Variants in LGR4 observed in about 807,000 individuals in gnomAD.
LGR4 encodes leucine-rich repeat-containing G protein-coupled receptor 4.
Under a neutral mutation model 84.8 loss-of-function variants are expected in LGR4, and 44 were observed. The ratio of observed to expected loss-of-function variants is 0.52; its 90% CI spans 0.41 to 0.67. The LOEUF is 0.67. Ranked by LOEUF, LGR4 falls within the 30% of genes least tolerant of loss-of-function variation. The probability of loss-of-function intolerance (pLI) is 0.00; values close to 1 mark genes in which losing one functional copy is unlikely to be tolerated. For synonymous variants in LGR4, 429 were observed against 434.3 expected (o/e 0.99, Z 0.15); for missense variants, 1,032 against 1,131.4 (o/e 0.91, Z 1.26).
Position 27,380,309 on chromosome 11 carries a change from C to G in LGR4, c.933G>C (p.Gln311His), listed in dbSNP as rs138266389. ...GGACAGTTCCTGTAAGATTGGGGAA[C>G]TGCTGCACCATGCTTGCACCACGAA... ...LVIRGASMVQQFPNLTGTVHL... is the reference protein window; with the variant it reads ...LVIRGASMVQHFPNLTGTVHL... The change falls in exon 10 of 18, where the codon CAG becomes CAC. Residue 311 changes from glutamine to histidine, a missense_variant. Gln to His is a conservative substitution (Grantham distance 24). Coordinates refer to ENST00000379214, the MANE Select transcript of LGR4 (RefSeq NM_018490.5). 8.9e-5 allele frequency: 144 copies of G among 1,611,742 alleles called. No homozygotes were observed. Among genetic ancestry groups the G allele is most frequent in the Non-Finnish European group, 1.2e-4 (141 of 1,178,874 alleles).
intron 1 of LGR4, among the ~76,000 whole-genome samples, chr11:27,421,037 A>G (rs1309696288): frequency 1.3e-5 from 2 of 152,218 alleles, no homozygotes; most frequent in East Asian, 1.9e-4. Context: ...ACTTTATTCT[A>G]AAAGTGTGGA....
intron 1 of LGR4, among the ~76,000 whole-genome samples, chr11:27,453,310 G>A (rs551694428): frequency 6.6e-6 from 1 of 152,178 alleles, no homozygotes; most frequent in South Asian, 2.1e-4. Context: ...CTCATGATGT[G>A]CCCACCTCGG....
chr11:27,436,523 T>C (rs866956767), intron 1 of LGR4, among the ~76,000 whole-genome samples: 3 of 152,164 alleles, frequency 2.0e-5, no homozygotes, highest in African/African-American at 7.2e-5. Context: ...TAAGGATGGA[T>C]GTTTCACTTG....
chr11:27,467,783 T>G lies in LGR4; in HGVS notation c.185+4335A>C, dbSNP rs553299944. ...GCAGAATATTTTTTCCTCGCTTATA[T>G]TTAAAGAGAACACATGGTTCACTAG... On this transcript the variant is annotated intron_variant, in intron 1 of 17. Transcript: ENST00000379214. Among the ~76,000 whole-genome samples, 30 of 152,256 alleles carry G rather than the reference T, an allele frequency of 2.0e-4. 1 individual carries two copies. The South Asian group carries it at 6.0e-3, about 30-fold the overall frequency.
At chr11:27,429,458 G>C (rs957025174) in intron 1 of LGR4, among the ~76,000 whole-genome samples, 5 of 151,704 alleles carry the variant, frequency 3.3e-5, no homozygotes, top group Admixed American at 6.6e-5. Context: ...ACCCTAGCTT[G>C]GGTGACAGAA....
chr11:27,399,763 C>G (rs937628015), intron 2 of LGR4, among the ~76,000 whole-genome samples: 1 of 152,194 alleles, frequency 6.6e-6, no homozygotes, highest in African/African-American at 2.4e-5. Context: ...AGGTGATCCA[C>G]CTGCCTCGGC....
intron 1 of LGR4, among the ~76,000 whole-genome samples, chr11:27,460,394 T>C (rs1864659891): frequency 6.6e-6 from 1 of 152,200 alleles, no homozygotes; most frequent in Non-Finnish European, 1.5e-5. Flanking sequence ...CCTATCCTAC[T>C]GGGAATTCAA....
chr11:27,382,303 A>G (rs1025547597), intron 6 of LGR4, 47 bp from the exon 7 acceptor site: 3 of 1,222,714 alleles, frequency 2.5e-6, no homozygotes, highest in Non-Finnish European at 2.4e-6. Context: ...AATAGTGGTC[A>G]TAATTCATAA....
At chr11:27,392,345 C>T in intron 3 of LGR4, 102 bp downstream of exon 3, 1 of 919,170 alleles carries the variant, frequency 1.1e-6, no homozygotes. Flanking sequence ...ATCTTTTAAT[C>T]CTGAACTAAA....
chr11:27,392,371 C>T lies in LGR4; in HGVS notation c.329+76G>A, dbSNP rs1863301344. 26 of 1,152,288 alleles carry T rather than the reference C, an allele frequency of 2.3e-5. No individual in the cohort carries two copies. In the South Asian group the frequency reaches 3.9e-4, roughly 17 times the overall value. The allele number at this position is 1,152,288 out of a possible 1,614,324, so 71.4% of individuals were successfully genotyped here. A position where few individuals can be genotyped will look rare whatever the true frequency, so the allele number is the denominator to read the frequency against. On this transcript the variant is annotated intron_variant, in intron 3 of 17. Coordinates refer to ENST00000379214, the MANE Select transcript of LGR4 (RefSeq NM_018490.5). ...CTGAACTAAAAGAAACTGTGCTTAA[C>T]CTAGTTCCAAGCATGTTGACTACGC...
chr11:27,421,892 G>A (rs1863928427), intron 1 of LGR4, among the ~76,000 whole-genome samples: 1 of 152,086 alleles, frequency 6.6e-6, no homozygotes, highest in South Asian at 2.1e-4. Flanking sequence ...AAAAATAAAT[G>A]CCAAAGACAA....
rs532284136 is a variant in LGR4, at chr11:27,441,626, C to T, written c.186-28766G>A. Among the ~76,000 whole-genome samples the T allele has an allele frequency of 2.9e-4, 44 of 152,190 alleles. 2 individuals carry two copies. The South Asian group carries it at 8.9e-3, about 31-fold the overall frequency. Reference sequence around the variant, plus strand: ...AATGAGGCTGAAAAATTTGTATACACTGAGCTAAAAATTTTCTTAAAAAGA... The same window carrying T: ...AATGAGGCTGAAAAATTTGTATACATTGAGCTAAAAATTTTCTTAAAAAGA... On this transcript the variant is annotated intron_variant, in intron 1 of 17. Transcript: ENST00000379214.
chr11:27,471,911 G>C (rs1864880040), intron 1 of LGR4: 1 of 355,208 alleles, frequency 2.8e-6, no homozygotes, highest in Non-Finnish European at 5.0e-6. Flanking sequence ...CTGCTGGCTC[G>C]AACCCGGACT....
intron 2 of LGR4, among the ~76,000 whole-genome samples, chr11:27,405,280 G>A (rs1863583599): frequency 2.6e-5 from 4 of 151,984 alleles, no homozygotes; most frequent in Admixed American, 2.6e-4. Flanking sequence ...ACAGCTCCTG[G>A]GGCAGAGTTC....
At chr11:27,409,843 C>T (rs34176024) in intron 2 of LGR4, among the ~76,000 whole-genome samples, 60,142 of 151,948 alleles carry the variant, frequency 0.4, 13,203 homozygotes, top group African/African-American at 0.6. Flanking sequence ...GCAGAAGCTA[C>T]TGTGGAAGAC....
intron 1 of LGR4, among the ~76,000 whole-genome samples, chr11:27,431,406 T>A (rs1381060267): frequency 6.6e-6 from 1 of 152,224 alleles, no homozygotes; most frequent in Non-Finnish European, 1.5e-5. Context: ...AGAACATTTA[T>A]GAGGACAAAG....
chr11:27,415,154 A>G (rs1474136992), intron 1 of LGR4, among the ~76,000 whole-genome samples: 1 of 152,174 alleles, frequency 6.6e-6, no homozygotes, highest in Non-Finnish European at 1.5e-5. Flanking sequence ...ATGATCCAAA[A>G]TGAGTAAACA....
intron 1 of LGR4, among the ~76,000 whole-genome samples, chr11:27,422,541 T>G (rs1863941439): frequency 1.3e-5 from 2 of 152,218 alleles, no homozygotes; most frequent in South Asian, 4.1e-4. Context: ...CAGGAAAATG[T>G]TTCAGCATGT....
At chr11:27,413,518 A>G (rs1262956631) in intron 1 of LGR4, among the ~76,000 whole-genome samples, 1 of 152,188 alleles carries the variant, frequency 6.6e-6, no homozygotes, top group African/African-American at 2.4e-5. Context: ...ATACTTTATT[A>G]ACCATTTCCC....
Sources: gnomAD v4.1 joint callset for allele counts (sites outside exome capture counted in the v4.1 genomes callset) on GRCh38, gnomAD v4.1.1 for gene constraint, MANE v1.5 for transcripts, NCBI Gene and HGNC (gene_info 2026-07-23, HGNC 2026-07-21) for gene names.